Variants in KCNAB1 observed in about 807,000 individuals in gnomAD.
The protein encoded by KCNAB1 is potassium voltage-gated channel subfamily A regulatory beta subunit 1, also known as voltage-gated potassium channel subunit beta-1.
KCNAB1 carries 35 observed loss-of-function variants against 64.6 expected under a neutral mutation model. The observed-to-expected ratio is 0.54, with a 90% CI of 0.41 to 0.72. The LOEUF (loss-of-function observed/expected upper bound fraction) is 0.72. KCNAB1 is among the 30% of genes least tolerant of loss of function. The pLI, the probability that KCNAB1 is intolerant of heterozygous loss-of-function variation, is 0.00. For synonymous variants in KCNAB1, 177 were observed against 183.8 expected, an observed-to-expected ratio of 0.96 and a Z score of 0.30; for missense variants, 401 against 512.9, an observed-to-expected ratio of 0.78 and a Z score of 2.11.
chr3:156,230,074 A>G lies in KCNAB1; in HGVS notation c.275+109188A>G, dbSNP rs567497659. Among the ~76,000 whole-genome samples, 15 of 152,326 alleles carry G rather than the reference A, an allele frequency of 9.8e-5. 1 individual carries two copies. The South Asian group carries it at 3.1e-3, about 32-fold the overall frequency. ...TATATAAGCTTGACATCCAAAGAGCATGAGGCAAAACAATACTTAGAATTG... is the reference window on the plus strand; with the variant it reads ...TATATAAGCTTGACATCCAAAGAGCGTGAGGCAAAACAATACTTAGAATTG... On this transcript the variant is annotated intron_variant, in intron 1 of 13. Transcript: ENST00000490337.
intron 1 of KCNAB1, chr3:156,292,173 A>G (rs753084170): frequency 2.5e-6 from 4 of 1,599,232 alleles, no homozygotes; most frequent in Admixed American, 3.4e-5. Context: ...CAGGTTCTAT[A>G]CAGGTGCAGT....
At chr3:156,148,588 C>G (rs1436373743) in intron 1 of KCNAB1, among the ~76,000 whole-genome samples, 3 of 152,218 alleles carry the variant, frequency 2.0e-5, no homozygotes, top group Non-Finnish European at 4.4e-5. Context: ...TAACTTACTT[C>G]ACAATGGCAT....
chr3:156,133,363 A>G (rs1430473018), intron 1 of KCNAB1, among the ~76,000 whole-genome samples: 1 of 152,240 alleles, frequency 6.6e-6, no homozygotes, highest in African/African-American at 2.4e-5. Context: ...GCAGTACTGA[A>G]TGTGTTTTAA....
chr3:156,238,686 A>G (rs542239133), intron 1 of KCNAB1, among the ~76,000 whole-genome samples: 4 of 152,118 alleles, frequency 2.6e-5, no homozygotes, highest in African/African-American at 9.6e-5. Context: ...ACCAGTTTTG[A>G]GTAGTTGACT....
At chr3:156,365,705 T>C (rs1041006729) in intron 1 of KCNAB1, among the ~76,000 whole-genome samples, 7 of 152,224 alleles carry the variant, frequency 4.6e-5, no homozygotes, top group Non-Finnish European at 1.5e-5. Context: ...CCTGAGCCTC[T>C]TCATCTTGAA....
chr3:156,498,789 C>T (rs1716183230), intron 8 of KCNAB1, among the ~76,000 whole-genome samples: 1 of 152,220 alleles, frequency 6.6e-6, no homozygotes, highest in Non-Finnish European at 1.5e-5. Flanking sequence ...AACCATTGCA[C>T]ACAATGCTGC....
intron 8 of KCNAB1, among the ~76,000 whole-genome samples, chr3:156,490,463 G>T (rs1247486250): frequency 1.3e-5 from 2 of 152,032 alleles, no homozygotes; most frequent in African/African-American, 4.8e-5. Flanking sequence ...ATACAGAAAT[G>T]TTCAAAGAAA....
intron 8 of KCNAB1, among the ~76,000 whole-genome samples, chr3:156,486,834 A>T (rs935202203): frequency 6.6e-6 from 1 of 152,136 alleles, no homozygotes; most frequent in African/African-American, 2.4e-5. Flanking sequence ...TTGAGTTTGA[A>T]GTTTGATTGA....
intron 1 of KCNAB1, among the ~76,000 whole-genome samples, chr3:156,406,505 G>T (rs1339629959): frequency 1.3e-5 from 2 of 152,110 alleles, no homozygotes; most frequent in African/African-American, 4.8e-5. Flanking sequence ...TGGAAAGGGG[G>T]ATTTTGGAGC....
At chr3:156,123,188 A>G (rs1369891035) in intron 1 of KCNAB1, among the ~76,000 whole-genome samples, 1 of 152,234 alleles carries the variant, frequency 6.6e-6, no homozygotes, top group Admixed American at 6.5e-5. Context: ...ATATTAACAA[A>G]TTTATCCACC....
At chr3:156,300,372 G>A (rs1721073788) in intron 1 of KCNAB1, among the ~76,000 whole-genome samples, 1 of 152,152 alleles carries the variant, frequency 6.6e-6, no homozygotes, top group Non-Finnish European at 1.5e-5. Context: ...CTACAACTCA[G>A]CTTCCTAATT....
intron 11 of KCNAB1, among the ~76,000 whole-genome samples, chr3:156,523,051 A>G (rs1354211950): frequency 6.6e-6 from 1 of 152,216 alleles, no homozygotes; most frequent in Non-Finnish European, 1.5e-5. Flanking sequence ...AGAAGTTCTA[A>G]AAGATTTTTA....
chr3:156,209,723 AC>A (rs2044442832), intron 1 of KCNAB1, among the ~76,000 whole-genome samples: 1 of 152,206 alleles, frequency 6.6e-6, no homozygotes, highest in Non-Finnish European at 1.5e-5. Context: ...GGGCTGACAA[AC>A]ATGCTCAATA....
intron 8 of KCNAB1, among the ~76,000 whole-genome samples, chr3:156,478,030 A>G (rs1234067393): frequency 6.6e-6 from 1 of 152,182 alleles, no homozygotes; most frequent in African/African-American, 2.4e-5. Context: ...GTTATTTATA[A>G]TCAAATTACC....
intron 1 of KCNAB1, among the ~76,000 whole-genome samples, chr3:156,204,509 C>A (rs1424607387): frequency 6.6e-6 from 1 of 152,182 alleles, no homozygotes; most frequent in East Asian, 1.9e-4. Flanking sequence ...GACATAAATT[C>A]TCTATCTCTA....
At chr3:156,177,814 C>T (rs1157591604) in intron 1 of KCNAB1, among the ~76,000 whole-genome samples, 2 of 152,254 alleles carry the variant, frequency 1.3e-5, no homozygotes, top group South Asian at 2.1e-4. Flanking sequence ...GATCTTGGCT[C>T]ACTGCCACCT....
In KCNAB1 at chr3:156,491,953, T is replaced by G. The variant is rs1359148416; in HGVS notation, c.658+17133T>G. 3.3e-5 allele frequency among the ~76,000 whole-genome samples: 5 copies of G among 152,262 alleles called. No homozygotes were observed. In the East Asian group the frequency reaches 5.8e-4, roughly 18 times the overall value. On this transcript the variant is annotated intron_variant, in intron 8 of 13. Coordinates refer to ENST00000490337, the MANE Select transcript of KCNAB1 (RefSeq NM_172160.3). The stretch of plus-strand genomic sequence containing the variant: ...AATTATTCGATTCTGGAATGTAATT[T>G]GGCTAAATTTAATTACACCATCCTC...
intron 1 of KCNAB1, among the ~76,000 whole-genome samples, chr3:156,148,158 C>T (rs1211788122): frequency 6.6e-6 from 1 of 152,122 alleles, no homozygotes; most frequent in African/African-American, 2.4e-5. Flanking sequence ...AGTTTTCCTA[C>T]CTGGAATATT....
chr3:156,490,117 A>G (rs1445302528), intron 8 of KCNAB1, among the ~76,000 whole-genome samples: 1 of 152,070 alleles, frequency 6.6e-6, no homozygotes, highest in Non-Finnish European at 1.5e-5. Context: ...TAAAAAGACT[A>G]TGAGACTTGA....
Sources: gnomAD v4.1 joint callset for allele counts (sites outside exome capture counted in the v4.1 genomes callset) on GRCh38, gnomAD v4.1.1 for gene constraint, MANE v1.5 for transcripts, NCBI Gene and HGNC (gene_info 2026-07-23, HGNC 2026-07-21) for gene names.